The following AFAP1L1 variants were observed in gnomAD, a reference collection of about 807,000 sequenced individuals.
AFAP1L1 encodes the protein actin filament-associated protein 1-like 1.
A neutral mutation model predicts 99.8 loss-of-function variants in AFAP1L1; 77 were observed. The ratio of observed to expected loss-of-function variants is 0.77; its 90% CI spans 0.64 to 0.93. The LOEUF is 0.93. AFAP1L1 is among the 40% of genes least tolerant of loss of function. The pLI, the probability that AFAP1L1 is intolerant of heterozygous loss-of-function variation, is 0.00. For synonymous variants in AFAP1L1, 373 were observed against 395.3 expected, an observed-to-expected ratio of 0.94 and a Z score of 0.67; for missense variants, 893 against 996.8, an observed-to-expected ratio of 0.90 and a Z score of 1.40.
intron 5 of AFAP1L1, among the ~76,000 whole-genome samples, chr5:149,303,589 G>T (rs377615675): frequency 2.2e-4 from 34 of 152,158 alleles, no homozygotes; most frequent in East Asian, 2.1e-3. Flanking sequence ...ATTCTGATCA[G>T]CAAAGACAGA....
intron 8 of AFAP1L1, among the ~76,000 whole-genome samples, chr5:149,310,414 A>G (rs1190552661): frequency 6.6e-6 from 1 of 152,224 alleles, no homozygotes; most frequent in African/African-American, 2.4e-5. Flanking sequence ...ACCTCCTGGA[A>G]CTGGAGGCTT....
chr5:149,319,144 T>C (rs989389031), intron 12 of AFAP1L1, among the ~76,000 whole-genome samples: 2 of 152,242 alleles, frequency 1.3e-5, no homozygotes, highest in Non-Finnish European at 2.9e-5. Flanking sequence ...TTGGAGATTT[T>C]CCTATACACA....
chr5:149,301,463 C>T (rs1756209566), intron 4 of AFAP1L1, among the ~76,000 whole-genome samples: 1 of 152,090 alleles, frequency 6.6e-6, no homozygotes, highest in African/African-American at 2.4e-5. Flanking sequence ...ATTTTGCCAC[C>T]TTCCTGACTG....
chr5:149,338,888 G>A (rs1459325026), intron 18 of AFAP1L1, among the ~76,000 whole-genome samples: 1 of 152,184 alleles, frequency 6.6e-6, no homozygotes, highest in Non-Finnish European at 1.5e-5. Context: ...AGTCCCTGAA[G>A]TGGGAAAAAG....
chr5:149,302,262 T>C (rs1458123411), intron 4 of AFAP1L1, among the ~76,000 whole-genome samples, 156 bp from the exon 5 acceptor site: 3 of 152,202 alleles, frequency 2.0e-5, no homozygotes, highest in East Asian at 1.9e-4. Flanking sequence ...TGGATAAATA[T>C]GCCCTCGAGT....
chr5:149,304,606 G>C (rs10065435), intron 5 of AFAP1L1, among the ~76,000 whole-genome samples: 23,101 of 152,156 alleles, frequency 0.15, 1,825 homozygotes, highest in East Asian at 0.24. Flanking sequence ...GGAACCTTGT[G>C]CAGGGAGAGC....
Position 149,310,114 on chromosome 5 carries a change from G to A in AFAP1L1, c.906G>A (p.Glu302=). Residue 302 remains glutamate, a synonymous_variant, in exon 8 of 19, where the codon GAG becomes GAA. Coordinates refer to ENST00000296721, the MANE Select transcript of AFAP1L1 (RefSeq NM_152406.4). ...TGGTGCTGGCACTGCAGAGCCGAGA[G>A]CAGGCCGAGGAGTGGCTGAAGGTGC... The part of the protein sequence containing the change: ...EVLVLALQSR[E]QAEEWLKVIR... 1 of 1,607,970 alleles carries A rather than the reference G, an allele frequency of 6.2e-7. No individual in the cohort carries two copies. Among genetic ancestry groups the A allele is most frequent in the Non-Finnish European group, 8.5e-7 (1 of 1,176,656 alleles).
chr5:149,321,752 G>A (rs761726693), intron 14 of AFAP1L1, among the ~76,000 whole-genome samples: 2 of 142,480 alleles, frequency 1.4e-5, no homozygotes, highest in African/African-American at 2.6e-5. Flanking sequence ...AAAAAACAAC[G>A]TTTAGGCTGG....
Position 149,320,287 on chromosome 5 carries a change from C to T in AFAP1L1, c.1626-104C>T. ...TGCTTTTACCAATCTTCTGATCTGC[C>T]TTAAGAGTTTCTGCCAGAATCAATG... On this transcript the variant is annotated intron_variant, in intron 13 of 18. Coordinates refer to ENST00000296721, the MANE Select transcript of AFAP1L1 (RefSeq NM_152406.4). The surrounding 1 kb of genome is among the most constrained non-coding windows in gnomAD (Gnocchi z 4.0). The T allele has an allele frequency of 2.6e-6, 3 of 1,149,270 alleles. No individual in the cohort carries two copies. Among genetic ancestry groups the T allele is most frequent in the Non-Finnish European group, 1.3e-6 (1 of 778,448 alleles). The allele number at this position is 1,149,270 out of a possible 1,614,324, so 71.2% of individuals were successfully genotyped here.
chr5:149,298,147 T>C (rs561314318), intron 1 of AFAP1L1, among the ~76,000 whole-genome samples: 1 of 152,152 alleles, frequency 6.6e-6, no homozygotes, highest in South Asian at 2.1e-4. Flanking sequence ...CTCCAGGCCC[T>C]GCAGCTCCGG....
chr5:149,284,427 G>A (rs980837351), intron 1 of AFAP1L1, among the ~76,000 whole-genome samples: 1 of 152,140 alleles, frequency 6.6e-6, no homozygotes, highest in Admixed American at 6.5e-5. Flanking sequence ...CTACGATGAG[G>A]GCTCATTGGA....
chr5:149,327,079 A>G (rs1757118382), intron 15 of AFAP1L1, among the ~76,000 whole-genome samples: 1 of 136,332 alleles, frequency 7.3e-6, no homozygotes, highest in Admixed American at 7.0e-5. Flanking sequence ...AATGTGACCC[A>G]TACAGAAGGA....
rs1757613973 is a variant in AFAP1L1, at chr5:149,343,442, A to G, written c.*3412A>G. On this transcript the variant is annotated 3_prime_UTR_variant, in exon 19 of 19. Coordinates refer to ENST00000296721, the MANE Select transcript of AFAP1L1 (RefSeq NM_152406.4). ...TCAGCTTTCCATCCTAAATCTCTAA[A>G]ATTCATCCATATCTTCCTATCTTCA... Among the ~76,000 whole-genome samples the G allele has an allele frequency of 6.6e-6, 1 of 152,010 alleles. No individual in the cohort carries two copies. Among genetic ancestry groups the G allele is most frequent in the Non-Finnish European group, 1.5e-5 (1 of 67,992 alleles).
chr5:149,318,136 G>T (rs62378119), intron 12 of AFAP1L1, among the ~76,000 whole-genome samples, 196 bp downstream of exon 12: 9,308 of 152,238 alleles, frequency 0.061, 340 homozygotes, highest in Middle Eastern at 0.14. Context: ...TGAATTTCAG[G>T]TAAGCCACGA....
At chr5:149,307,659 G>T in intron 7 of AFAP1L1, 46 bp downstream of exon 7, 1 of 1,568,404 alleles carries the variant, frequency 6.4e-7, no homozygotes, top group Non-Finnish European at 8.7e-7. Context: ...ACATGGACTT[G>T]CATGTGGGTG....
chr5:149,320,475 T>C lies in AFAP1L1; in HGVS notation c.1698+12T>C. 3 of 1,614,010 alleles carry C rather than the reference T, an allele frequency of 1.9e-6. No homozygotes were observed. Among genetic ancestry groups the C allele is most frequent in the South Asian group, 1.1e-5 (1 of 91,074 alleles). On this transcript the variant is annotated intron_variant, in intron 14 of 18. Transcript: ENST00000296721. This position sits in a 1 kb window ranked among gnomAD's most constrained non-coding sequence, Gnocchi z 4.0. ...ATGAAAAGATGCAGGTACAGTCCCT[T>C]GGGGCTGCCCAGGAATGTGGCAAAG... is the stretch of plus-strand genomic sequence containing the variant.
intron 1 of AFAP1L1, among the ~76,000 whole-genome samples, chr5:149,273,572 C>T (rs1487435850): frequency 1.3e-5 from 2 of 152,044 alleles, no homozygotes; most frequent in East Asian, 1.9e-4. Context: ...AGAGAGTGGG[C>T]TTCTGTTTGG....
intron 1 of AFAP1L1, among the ~76,000 whole-genome samples, chr5:149,275,482 T>TTTCTTCC (rs1295949043): frequency 2.6e-4 from 39 of 151,660 alleles, no homozygotes; most frequent in Non-Finnish European, 1.0e-4. Context: ...CTTCTTCTTC[T>TTTCTTCC]TTCTTCCTTC....
At chr5:149,323,159 TAG>T (rs549144721) in intron 15 of AFAP1L1, among the ~76,000 whole-genome samples, 1 of 151,990 alleles carries the variant, frequency 6.6e-6, no homozygotes. Context: ...TGAGGCCAAA[TAG>T]AGAGAGAGAG....
Sources: allele counts gnomAD v4.1 joint callset (sites outside exome capture counted in the v4.1 genomes callset), GRCh38; gene constraint gnomAD v4.1.1; non-coding constraint Gnocchi (gnomAD v3.1); transcripts MANE v1.5; gene names NCBI Gene and HGNC (gene_info 2026-07-23, HGNC 2026-07-21).